GARS1: variants seen among roughly 807,000 people sequenced by gnomAD.
GARS1 encodes the protein glycyl-tRNA synthetase 1.
A neutral mutation model predicts 86.4 loss-of-function variants in GARS1; 46 were observed. That is an observed-to-expected ratio of 0.53 (90% confidence interval 0.42 to 0.68). The LOEUF (loss-of-function observed/expected upper bound fraction) is 0.68, where lower values mean the gene tolerates loss of function less well. Ranked by LOEUF, GARS1 falls within the 30% of genes least tolerant of loss-of-function variation. The pLI is 0.00. For missense variants in GARS1, 797 were observed against 915.6 expected (o/e 0.87, Z 1.67); for synonymous variants, 342 against 329.8 (o/e 1.04, Z -0.40).
chr7:30,619,380 C>T (rs544437475), intron 10 of GARS1, among the ~76,000 whole-genome samples: 109 of 152,180 alleles, frequency 7.2e-4, no homozygotes, highest in Non-Finnish European at 1.4e-3. Flanking sequence ...TTTTTGTGTA[C>T]TTTATATATT....
chr7:30,620,527 G>A (rs2128135014), intron 10 of GARS1, among the ~76,000 whole-genome samples: 1 of 152,306 alleles, frequency 6.6e-6, no homozygotes, highest in East Asian at 1.9e-4. Flanking sequence ...CACATTGGGA[G>A]TTAGGATTTC....
intron 1 of GARS1, among the ~76,000 whole-genome samples, chr7:30,595,581 A>C (rs990040690): frequency 1.3e-5 from 2 of 152,178 alleles, no homozygotes; most frequent in Non-Finnish European, 2.9e-5. Context: ...TAATTCTTTC[A>C]GTGGTCAATG....
In GARS1 at chr7:30,628,633, T is replaced by C; in HGVS notation, c.1773T>C (p.His591=). The change falls in exon 14 of 17, where the codon CAT becomes CAC. Residue 591 remains histidine (H), a synonymous_variant. Transcript: ENST00000389266. ...GGATCATGTATACGGTATTTGAACATACATTCCATGTACGAGAAGGAGATG... is the reference window on the plus strand; with the variant it reads ...GGATCATGTATACGGTATTTGAACACACATTCCATGTACGAGAAGGAGATG... ...LGRIMYTVFE[H]TFHVREGDEQ... 1 of 1,612,582 alleles carries C rather than the reference T, an allele frequency of 6.2e-7. No individual in the cohort carries two copies. Among genetic ancestry groups the C allele is most frequent in the East Asian group, 2.2e-5 (1 of 44,840 alleles).
chr7:30,610,834 C>G (rs1326872731), intron 7 of GARS1, among the ~76,000 whole-genome samples: 1 of 152,060 alleles, frequency 6.6e-6, no homozygotes, highest in Non-Finnish European at 1.5e-5. Context: ...TATTCTGTCA[C>G]TATTAAATGT....
chr7:30,603,186 A>G, intron 5 of GARS1, 64 bp downstream of exon 5: 1 of 1,354,808 alleles, frequency 7.4e-7, no homozygotes, highest in South Asian at 1.2e-5. Flanking sequence ...TTTCTCTCAG[A>G]TGTCTTTCAT....
chr7:30,605,979 C>T (rs536185085), intron 6 of GARS1, among the ~76,000 whole-genome samples: 1 of 152,188 alleles, frequency 6.6e-6, no homozygotes, highest in South Asian at 2.1e-4. Context: ...TATGGCCTTC[C>T]TTCATTCCCT....
At chr7:30,633,009 C>T (rs1266229502) in intron 16 of GARS1, among the ~76,000 whole-genome samples, 1 of 152,222 alleles carries the variant, frequency 6.6e-6, no homozygotes, top group Admixed American at 6.5e-5. Flanking sequence ...CATCAAGTGC[C>T]TGTTCTGTGC....
At chr7:30,596,418 G>T (rs1791247716) in intron 1 of GARS1, among the ~76,000 whole-genome samples, 1 of 151,484 alleles carries the variant, frequency 6.6e-6, no homozygotes, top group Non-Finnish European at 1.5e-5. Flanking sequence ...TGGTTCCTTT[G>T]TCTTTTCTTA....
chr7:30,602,612 CA>C (rs1791404104), intron 4 of GARS1, among the ~76,000 whole-genome samples: 1 of 152,188 alleles, frequency 6.6e-6, no homozygotes, highest in African/African-American at 2.4e-5. Context: ...GTTTCAGTGG[CA>C]GAAAACACTT....
chr7:30,611,235 A>G (rs568760312), intron 7 of GARS1, among the ~76,000 whole-genome samples: 1 of 152,314 alleles, frequency 6.6e-6, no homozygotes, highest in South Asian at 2.1e-4. Flanking sequence ...AGATAATAAA[A>G]TGATTTGAAA....
At chr7:30,612,596 G>C (rs981714545) in intron 8 of GARS1, among the ~76,000 whole-genome samples, 1 of 151,906 alleles carries the variant, frequency 6.6e-6, no homozygotes, top group Admixed American at 6.6e-5. Context: ...GTGTATAAAA[G>C]GGTGGGGTCG....
chr7:30,615,846 G>T (rs777598229), intron 8 of GARS1, 50 bp from the exon 9 acceptor site: 26 of 1,599,184 alleles, frequency 1.6e-5, no homozygotes, highest in Admixed American at 3.4e-5. Context: ...TTGTTTGTTT[G>T]TTTTTTGTAG....
chr7:30,622,547 A>C, intron 12 of GARS1, 85 bp downstream of exon 12: 11 of 1,551,358 alleles, frequency 7.1e-6, no homozygotes, highest in Non-Finnish European at 9.8e-6. Context: ...TTAATTTCTT[A>C]AGATTTTTTG....
At chr7:30,619,482 C>A (rs936345586) in intron 10 of GARS1, among the ~76,000 whole-genome samples, 19 of 152,122 alleles carry the variant, frequency 1.2e-4, no homozygotes, top group African/African-American at 4.3e-4. Context: ...TTGTTATTCT[C>A]AGGCACGTTT....
chr7:30,632,547 T>C lies in GARS1; in HGVS notation c.2094+110T>C. ...GCTCCCTTTCCTTTTTTTTTCTTTT[T>C]AATTTTAATGAACGGCTTGTATCAG... On this transcript the variant is annotated intron_variant, in intron 16 of 16. Transcript: ENST00000389266. The surrounding 1 kb of genome is among the most constrained non-coding windows in gnomAD (Gnocchi z 4.1). The C allele has an allele frequency of 8.5e-7, 1 of 1,182,498 alleles. No homozygotes were observed. The highest frequency in any genetic ancestry group is 1.2e-6 in the Non-Finnish European group (1 of 809,742). 73.3% of individuals were successfully genotyped at this position (1,182,498 alleles called of 1,614,324 possible).
intron 12 of GARS1, among the ~76,000 whole-genome samples, chr7:30,623,137 C>G (rs1783052690): frequency 6.7e-6 from 1 of 149,942 alleles, no homozygotes; most frequent in Admixed American, 6.7e-5. Flanking sequence ...TAGAGAAAAG[C>G]CTTTAAAGAA....
chr7:30,606,331 CTA>C (rs1174228968), intron 6 of GARS1, among the ~76,000 whole-genome samples: 1 of 131,754 alleles, frequency 7.6e-6, no homozygotes, highest in East Asian at 2.2e-4. Flanking sequence ...TTTAGCTAGA[CTA>C]TTTCTATATG....
chr7:30,629,402 C>T (rs1783193836), intron 14 of GARS1, among the ~76,000 whole-genome samples: 1 of 152,132 alleles, frequency 6.6e-6, no homozygotes, highest in African/African-American at 2.4e-5. Flanking sequence ...TATCTCCTTG[C>T]CTTACTTCAC....
intron 6 of GARS1, among the ~76,000 whole-genome samples, chr7:30,605,750 A>G (rs1791471529): frequency 6.6e-6 from 1 of 152,194 alleles, no homozygotes; most frequent in Non-Finnish European, 1.5e-5. Context: ...ATCTATCTCT[A>G]AAAGAGAAAA....
Sources: allele counts gnomAD v4.1 joint callset (sites outside exome capture counted in the v4.1 genomes callset), GRCh38; gene constraint gnomAD v4.1.1; non-coding constraint Gnocchi (gnomAD v3.1); transcripts MANE v1.5; gene names NCBI Gene and HGNC (gene_info 2026-07-23, HGNC 2026-07-21).